The following NLGN1 variants were observed in gnomAD, a reference collection of about 807,000 sequenced individuals.
NLGN1 encodes the protein neuroligin-1.
NLGN1 carries 12 observed loss-of-function variants against 65.5 expected under a neutral mutation model. The observed-to-expected ratio is 0.18, with a 90% CI of 0.12 to 0.30. NLGN1 has a LOEUF of 0.30. NLGN1 is among the 10% of genes least tolerant of loss of function. The probability of loss-of-function intolerance (pLI) is 1.00; values close to 1 mark genes in which losing one functional copy is unlikely to be tolerated. For missense variants in NLGN1, 750 were observed against 1,007.1 expected (o/e 0.74, Z 3.46); for synonymous variants, 350 against 359.5 (o/e 0.97, Z 0.30).
At chr3:173,556,427 C>T (rs1158676841) in intron 2 of NLGN1, among the ~76,000 whole-genome samples, 1 of 152,134 alleles carries the variant, frequency 6.6e-6, no homozygotes, top group African/African-American at 2.4e-5. Flanking sequence ...AAAATATTTT[C>T]TAAATTACCT....
intron 4 of NLGN1, among the ~76,000 whole-genome samples, chr3:174,221,717 T>A (rs533510290): frequency 6.6e-6 from 1 of 152,118 alleles, no homozygotes; most frequent in African/African-American, 2.4e-5. Context: ...TAAAGTCCAA[T>A]GTAAAGTTGC....
intron 3 of NLGN1, among the ~76,000 whole-genome samples, chr3:173,688,509 A>G (rs1350843298): frequency 6.6e-6 from 1 of 152,124 alleles, no homozygotes; most frequent in African/African-American, 2.4e-5. Context: ...TTTCTTTTTA[A>G]TCATAGCAAT....
At chr3:174,225,046 A>G (rs1180634475) in intron 4 of NLGN1, among the ~76,000 whole-genome samples, 1 of 152,052 alleles carries the variant, frequency 6.6e-6, no homozygotes, top group Non-Finnish European at 1.5e-5. Context: ...CCCTCCCACC[A>G]CTAGAATGGA....
In NLGN1 at chr3:174,280,802, T is replaced by C. The variant is rs1459375506; in HGVS notation, c.1971T>C (p.Asp657=). The stretch of plus-strand genomic sequence containing the variant: ...CCTTTCCCACTGCCAAGCAGGATGA[T>C]CCCAAACAACAACCAAGTCCATTTT... The change falls in exon 7 of 7, where the codon GAT becomes GAC. Residue 657 remains aspartate, a synonymous_variant. Coordinates refer to ENST00000457714, the Ensembl canonical transcript of NLGN1. The surrounding 1 kb of genome is among the most constrained non-coding windows in gnomAD (Gnocchi z 4.9). 1 of 1,613,326 alleles carries C rather than the reference T, an allele frequency of 6.2e-7. No individual in the cohort carries two copies. Among genetic ancestry groups the C allele is most frequent in the Non-Finnish European group, 8.5e-7 (1 of 1,179,564 alleles).
chr3:173,446,604 T>A (rs917378566), intron 2 of NLGN1, among the ~76,000 whole-genome samples: 2 of 152,186 alleles, frequency 1.3e-5, no homozygotes, highest in African/African-American at 4.8e-5. Context: ...CTGGGTCAAA[T>A]GGTATTTCTA....
chr3:174,042,379 T>G (rs1233303645), intron 4 of NLGN1, among the ~76,000 whole-genome samples: 1 of 152,222 alleles, frequency 6.6e-6, no homozygotes, highest in East Asian at 1.9e-4. Flanking sequence ...TTTAAATTAA[T>G]TTTTGTGTGT....
At chr3:174,019,563 T>C (rs994673525) in intron 4 of NLGN1, among the ~76,000 whole-genome samples, 4 of 152,276 alleles carry the variant, frequency 2.6e-5, no homozygotes, top group African/African-American at 9.6e-5. Context: ...AAACATGATA[T>C]CATATTTTGT....
intron 4 of NLGN1, among the ~76,000 whole-genome samples, chr3:174,194,841 C>A (rs1577305209): frequency 1.4e-5 from 2 of 142,750 alleles, no homozygotes; most frequent in African/African-American, 2.5e-5. Flanking sequence ...GTGAACCATT[C>A]AAGATTTTTT....
At chr3:174,052,169 C>T (rs997253923) in intron 4 of NLGN1, among the ~76,000 whole-genome samples, 1 of 151,826 alleles carries the variant, frequency 6.6e-6, no homozygotes, top group Admixed American at 6.6e-5. Flanking sequence ...CTGAATGTGC[C>T]AAGTGAGAAA....
At chr3:174,050,005 C>T (rs1734465303) in intron 4 of NLGN1, among the ~76,000 whole-genome samples, 1 of 151,824 alleles carries the variant, frequency 6.6e-6, no homozygotes. Flanking sequence ...ATTTTAGGTT[C>T]AGTGTTCAAT....
intron 4 of NLGN1, among the ~76,000 whole-genome samples, chr3:173,808,628 C>T (rs1398385903): frequency 6.6e-6 from 1 of 152,022 alleles, no homozygotes; most frequent in Non-Finnish European, 1.5e-5. Context: ...AGTAAAACAT[C>T]TTTATCTGTG....
At chr3:173,629,282 T>G (rs1013008272) in intron 3 of NLGN1, among the ~76,000 whole-genome samples, 1 of 151,816 alleles carries the variant, frequency 6.6e-6, no homozygotes, top group Non-Finnish European at 1.5e-5. Context: ...CCATCTCTAA[T>G]TTATCATTTA....
intron 4 of NLGN1, among the ~76,000 whole-genome samples, chr3:173,930,173 A>G (rs1443604940): frequency 6.6e-6 from 1 of 152,340 alleles, no homozygotes; most frequent in Admixed American, 6.5e-5. Context: ...TTAGCTTGGA[A>G]ATTCCGTACC....
At chr3:173,423,510 T>C (rs563628172) in intron 1 of NLGN1, among the ~76,000 whole-genome samples, 9 of 152,152 alleles carry the variant, frequency 5.9e-5, no homozygotes, top group African/African-American at 1.9e-4. Context: ...TTTGGATAAA[T>C]GTTCCCATTC....
intron 4 of NLGN1, among the ~76,000 whole-genome samples, chr3:174,201,400 G>A (rs1734481599): frequency 6.6e-6 from 1 of 150,618 alleles, no homozygotes; most frequent in Non-Finnish European, 1.5e-5. Flanking sequence ...GGAAGGAAAG[G>A]GAAAGAAAGA....
intron 4 of NLGN1, among the ~76,000 whole-genome samples, chr3:174,079,397 C>A (rs1741686873): frequency 1.3e-5 from 2 of 152,030 alleles, no homozygotes; most frequent in South Asian, 4.1e-4. Flanking sequence ...ACAACAGATG[C>A]TGGAGAGGTT....
chr3:173,403,257 A>G (rs1456586239), intron 1 of NLGN1, among the ~76,000 whole-genome samples: 1 of 152,174 alleles, frequency 6.6e-6, no homozygotes, highest in Admixed American at 6.5e-5. Context: ...ATACTATATT[A>G]CATGTCTAAA....
At chr3:174,002,969 A>C (rs2152429687) in intron 4 of NLGN1, among the ~76,000 whole-genome samples, 1 of 152,326 alleles carries the variant, frequency 6.6e-6, no homozygotes, top group Middle Eastern at 3.4e-3. Flanking sequence ...GAGAGAAATT[A>C]GAGAAGTATA....
At chr3:173,836,036 A>G (rs1454641467) in intron 4 of NLGN1, among the ~76,000 whole-genome samples, 2 of 152,196 alleles carry the variant, frequency 1.3e-5, no homozygotes, top group Non-Finnish European at 1.5e-5. Context: ...GGAAAGCTCC[A>G]CTGATAGTTA....
Sources: gnomAD v4.1 joint callset for allele counts (sites outside exome capture counted in the v4.1 genomes callset) on GRCh38, gnomAD v4.1.1 for gene constraint, Gnocchi (gnomAD v3.1) non-coding constraint, MANE v1.5 for transcripts, NCBI Gene and HGNC (gene_info 2026-07-23, HGNC 2026-07-21) for gene names.